PCDHA7: variants seen among roughly 807,000 people sequenced by gnomAD.
PCDHA7 encodes the protein protocadherin alpha 7.
Under a neutral mutation model 57.2 loss-of-function variants are expected in PCDHA7, and 37 were observed. The ratio of observed to expected loss-of-function variants is 0.65; its 90% CI spans 0.50 to 0.85. The LOEUF (loss-of-function observed/expected upper bound fraction) is 0.85. PCDHA7 is among the 40% of genes least tolerant of loss of function. PCDHA7 has a pLI of 0.00. For synonymous variants in PCDHA7, 553 were observed against 558.8 expected, an observed-to-expected ratio of 0.99 and a Z score of 0.15; for missense variants, 1,188 against 1,241.8, an observed-to-expected ratio of 0.96 and a Z score of 0.65.
Position 140,963,857 on chromosome 5 carries a change from G to A in PCDHA7, c.2356-15092G>A, listed in dbSNP as rs181224305. The stretch of plus-strand genomic sequence containing the variant: ...TTCTCATGTAATCATAATAATAACC[G>A]TATGAGTTTTGCTTACTATTGTTTT... On this transcript the variant is annotated intron_variant, in intron 1 of 3. Transcript: ENST00000525929. Among the ~76,000 whole-genome samples the A allele has an allele frequency of 5.3e-5, 8 of 152,252 alleles. 1 individual carries two copies. The East Asian group carries it at 7.7e-4, about 15-fold the overall frequency.
At chr5:140,986,397 C>T (rs943993265) in intron 3 of PCDHA7, among the ~76,000 whole-genome samples, 8 of 152,280 alleles carry the variant, frequency 5.3e-5, no homozygotes, top group Admixed American at 3.9e-4. Flanking sequence ...AAGGGCCAGT[C>T]GCTCATGTTA....
At position 140,840,142 on chromosome 5, in the gene PCDHA7, A is replaced by G. The variant is rs2150303821; in HGVS notation, c.2355+3404A>G. ...TGTACTAATAAGGACAGAAATTATC[A>G]CACGTGAAAGGAGAGATGGGATGTA... On this transcript the variant is annotated intron_variant, in intron 1 of 3. Coordinates refer to ENST00000525929, the MANE Select transcript of PCDHA7 (RefSeq NM_018910.3). Among the ~76,000 whole-genome samples, 125 of 152,144 alleles carry G rather than the reference A, an allele frequency of 8.2e-4. 4 individuals carry two copies. The highest frequency in any genetic ancestry group is 2.9e-3 in the African/African-American group (122 of 41,494).
chr5:140,978,703 G>C (rs556167285), intron 1 of PCDHA7, among the ~76,000 whole-genome samples: 1 of 152,328 alleles, frequency 6.6e-6, no homozygotes, highest in East Asian at 1.9e-4. Context: ...AGCCAAAGGT[G>C]GCCTTTACAA....
At chr5:140,857,348 CT>C (rs2044532824) in intron 1 of PCDHA7, 1 of 1,598,398 alleles carries the variant, frequency 6.3e-7, no homozygotes, top group Non-Finnish European at 8.6e-7. Flanking sequence ...CTCGCCTCCG[CT>C]GTGGGCCACG....
rs2150261625 is a variant in PCDHA7, at chr5:140,836,465, G to C, written c.2082G>C (p.Val694=). 1 of 1,613,860 alleles carries C rather than the reference G, an allele frequency of 6.2e-7. No homozygotes were observed. The highest frequency in any genetic ancestry group is 1.7e-5 in the Admixed American group (1 of 60,018). The change falls in exon 1 of 4, where the codon GTG becomes GTC. Residue 694 remains valine, a synonymous_variant. Transcript: ENST00000525929. Reference sequence around the variant, plus strand: ...TTGCAGGCCCAGAGACCGAGCTGGTGGATGTCAACGTGTACCTGATCATCG... The same window carrying C: ...TTGCAGGCCCAGAGACCGAGCTGGTCGATGTCAACGTGTACCTGATCATCG... ...LGIAGPETEL[V]DVNVYLIIAI...
At chr5:140,850,104 G>A (rs2150467227) in intron 1 of PCDHA7, 1 of 1,596,106 alleles carries the variant, frequency 6.3e-7, no homozygotes, top group Non-Finnish European at 8.6e-7. Flanking sequence ...CCAGGTGAGC[G>A]CGCGCGACGC....
At chr5:140,968,036 A>G (rs1554230231) in intron 1 of PCDHA7, 1 of 1,614,042 alleles carries the variant, frequency 6.2e-7, no homozygotes, top group African/African-American at 1.3e-5. Context: ...ACTGGTGGTG[A>G]GCGGCCCACT....
intron 1 of PCDHA7, chr5:140,860,013 G>T (rs1218796590): frequency 6.6e-6 from 1 of 151,942 alleles, no homozygotes; most frequent in African/African-American, 2.4e-5. Flanking sequence ...TTAAGGCCAG[G>T]CATGGTGGCT....
intron 3 of PCDHA7, among the ~76,000 whole-genome samples, chr5:141,005,280 C>T (rs2098203817): frequency 6.6e-6 from 1 of 152,180 alleles, no homozygotes; most frequent in Non-Finnish European, 1.5e-5. Context: ...GGTGAATAAA[C>T]AGATACATTT....
Position 141,010,647 on chromosome 5 carries a change from GT to G in PCDHA7, c.*714del, listed in dbSNP as rs782752760. ...CATACCTGCAAGCCAACAGTTCAGT[GT>G]TTTAACAGAGAACCACCCTGGGAAA... On this transcript the variant is annotated 3_prime_UTR_variant, in exon 4 of 4. Coordinates refer to ENST00000525929, the MANE Select transcript of PCDHA7 (RefSeq NM_018910.3). 4.6e-5 allele frequency: 8 copies of G among 173,154 alleles called. No homozygotes were observed. Among genetic ancestry groups the G allele is most frequent in the Admixed American group, 1.2e-4 (2 of 16,978 alleles). 10.7% of individuals were successfully genotyped at this position (173,154 alleles called of 1,614,324 possible).
chr5:140,957,954 T>G (rs2095401085), intron 1 of PCDHA7, among the ~76,000 whole-genome samples: 2 of 152,138 alleles, frequency 1.3e-5, no homozygotes, highest in Admixed American at 1.3e-4. Context: ...TTAAGACTAT[T>G]AATTCAGAGA....
chr5:140,899,102 G>A (rs1156372420), intron 1 of PCDHA7, among the ~76,000 whole-genome samples: 1 of 152,066 alleles, frequency 6.6e-6, no homozygotes, highest in Non-Finnish European at 1.5e-5. Flanking sequence ...TGAGATAATG[G>A]GGTTTTCTAG....
At chr5:140,865,420 C>T (rs998161335) in intron 1 of PCDHA7, 2 of 152,258 alleles carry the variant, frequency 1.3e-5, no homozygotes, top group South Asian at 2.1e-4. Context: ...TTAGTAGTGT[C>T]TACCTAGAAA....
At chr5:140,875,373 A>G in intron 1 of PCDHA7, 7 of 1,454,810 alleles carry the variant, frequency 4.8e-6, no homozygotes, top group Non-Finnish European at 6.3e-6. Flanking sequence ...AAAATTTACT[A>G]AATATGTACT....
chr5:140,841,255 C>G, intron 1 of PCDHA7: 8 of 1,511,904 alleles, frequency 5.3e-6, no homozygotes, highest in Non-Finnish European at 7.1e-6. Flanking sequence ...GATTAAAAGA[C>G]TCTGAAAGTA....
chr5:140,883,960 G>A (rs2059914384), intron 1 of PCDHA7: 1 of 1,613,090 alleles, frequency 6.2e-7, no homozygotes. Context: ...ACGCTCCGGC[G>A]CTGCTGACGC....
chr5:140,944,209 A>T (rs1003348568), intron 1 of PCDHA7, among the ~76,000 whole-genome samples: 5 of 152,298 alleles, frequency 3.3e-5, no homozygotes, highest in Non-Finnish European at 5.9e-5. Flanking sequence ...TTGTTTTTAA[A>T]GAGGGTTTTA....
intron 1 of PCDHA7, among the ~76,000 whole-genome samples, chr5:140,940,372 A>G (rs1173605569): frequency 1.3e-5 from 2 of 151,970 alleles, no homozygotes; most frequent in Admixed American, 6.6e-5. Flanking sequence ...GTATTCCTTG[A>G]GTTGTTAATT....
intron 1 of PCDHA7, among the ~76,000 whole-genome samples, chr5:140,923,708 T>C (rs1554201570): frequency 1.3e-5 from 2 of 152,216 alleles, no homozygotes; most frequent in Non-Finnish European, 2.9e-5. Context: ...CCAATTTACT[T>C]GAATAAGAAT....
Sources: allele counts gnomAD v4.1 joint callset (sites outside exome capture counted in the v4.1 genomes callset), GRCh38; gene constraint gnomAD v4.1.1; transcripts MANE v1.5; gene names NCBI Gene and HGNC (gene_info 2026-07-23, HGNC 2026-07-21).